The following PRR7 variants were observed in gnomAD, a reference collection of about 807,000 sequenced individuals.
The protein encoded by PRR7 is proline rich 7, synaptic.
Under a neutral mutation model 18.5 loss-of-function variants are expected in PRR7, and 8 were observed. That is an observed-to-expected ratio of 0.43 (90% CI 0.25 to 0.78). The LOEUF is 0.78. PRR7 is among the 30% of genes least tolerant of loss of function. The pLI is 0.22. For synonymous variants in PRR7, 221 were observed against 187.7 expected, an observed-to-expected ratio of 1.18 and a Z score of -1.45; for missense variants, 396 against 403.1, an observed-to-expected ratio of 0.98 and a Z score of 0.15.
At chr5:177,447,263 C>T (rs1056502965) in intron 1 of PRR7, among the ~76,000 whole-genome samples, 3 of 151,152 alleles carry the variant, frequency 2.0e-5, no homozygotes, top group Admixed American at 6.5e-5. Context: ...CTCCCCCTCC[C>T]TCCCCCCTCC....
intron 1 of PRR7, among the ~76,000 whole-genome samples, chr5:177,451,836 C>G (rs1353268217): frequency 6.6e-6 from 1 of 151,822 alleles, no homozygotes; most frequent in Non-Finnish European, 1.5e-5. Flanking sequence ...GTGGAGCCCA[C>G]CCTCAGGCAG....
At position 177,455,465 on chromosome 5, in the gene PRR7, C is replaced by A; in HGVS notation, c.398C>A (p.Pro133Gln). Residue 133 changes from proline (P) to glutamine (Q), a missense_variant, in exon 3 of 4, where the codon CCG becomes CAG. Around this residue, in one of 2 missense-constraint regions of PRR7, gnomAD observed 383 missense variants for 372.6 expected, o/e 1.03. Coordinates refer to ENST00000323249, the MANE Select transcript of PRR7 (RefSeq NM_030567.5). The surrounding 1 kb of genome is among the most constrained non-coding windows in gnomAD (Gnocchi z 6.9). ...PHPPPTHLSV[P>Q]PRPWSYPRQA... ...CCGCCGCCTACGCACCTGTCGGTGCCGCCACGGCCCTGGAGCTACCCGCGC... is the reference window on the plus strand; with the variant it reads ...CCGCCGCCTACGCACCTGTCGGTGCAGCCACGGCCCTGGAGCTACCCGCGC... The A allele has an allele frequency of 6.6e-7, 1 of 1,506,066 alleles. No individual in the cohort carries two copies. Among genetic ancestry groups the A allele is most frequent in the Non-Finnish European group, 8.8e-7 (1 of 1,135,414 alleles). 93.3% of individuals were successfully genotyped at this position (1,506,066 alleles called of 1,614,324 possible).
rs1756067822 is a variant in PRR7 at position 177,449,235 on chromosome 5, G to A, written c.-325+2275G>A. On this transcript the variant is annotated intron_variant, in intron 1 of 3. Coordinates refer to ENST00000323249, the MANE Select transcript of PRR7 (RefSeq NM_030567.5). This position sits in a 1 kb window ranked among gnomAD's most constrained non-coding sequence, Gnocchi z 4.2. Reference sequence around the variant, plus strand: ...AAGGGTCCTGTGTCTGAGACCTCTGGTCCGTGGGAAAGGGACCGCAGGTTT... The same window carrying A: ...AAGGGTCCTGTGTCTGAGACCTCTGATCCGTGGGAAAGGGACCGCAGGTTT... 6.6e-6 allele frequency among the ~76,000 whole-genome samples: 1 copy of A among 152,252 alleles called. No homozygotes were observed. The highest frequency in any genetic ancestry group is 1.5e-5 in the Non-Finnish European group (1 of 68,044).
chr5:177,449,672 G>C lies in PRR7; in HGVS notation c.-325+2712G>C, dbSNP rs527741696. Among the ~76,000 whole-genome samples the C allele has an allele frequency of 1.3e-5, 2 of 152,174 alleles. No homozygotes were observed. Among genetic ancestry groups the C allele is most frequent in the African/African-American group, 4.8e-5 (2 of 41,436 alleles). On this transcript the variant is annotated intron_variant, in intron 1 of 3. Transcript: ENST00000323249. The surrounding 1 kb of genome is among the most constrained non-coding windows in gnomAD (Gnocchi z 4.2). The stretch of plus-strand genomic sequence containing the variant: ...GAAAACCCTGCCCTGAGGAGGGCCG[G>C]AGCTGAGCGCAGTAGACACTGGCCT...
upstream of PRR7, chr5:177,446,398 T>C (rs377227785): frequency 6.6e-6 from 1 of 152,448 alleles, no homozygotes; most frequent in Non-Finnish European, 1.5e-5. The surrounding 1 kb of genome is among the most constrained non-coding windows in gnomAD (Gnocchi z 5.3). Context: ...GCCTGCCTGC[T>C]CGGGGGCCCC....
In PRR7 at chr5:177,456,275, G is replaced by T. The variant is rs1300846160; in HGVS notation, c.*154G>T. 6 of 1,052,374 alleles carry T rather than the reference G, an allele frequency of 5.7e-6. No individual in the cohort carries two copies. Among genetic ancestry groups the T allele is most frequent in the Non-Finnish European group, 7.7e-6 (6 of 774,628 alleles). The allele number at this position is 1,052,374 out of a possible 1,614,324, so 65.2% of individuals were successfully genotyped here. On this transcript the variant is annotated 3_prime_UTR_variant, in exon 4 of 4. Coordinates refer to ENST00000323249, the MANE Select transcript of PRR7 (RefSeq NM_030567.5). ...TGAGGATAATAAAGGTGTGTGATCT[G>T]GTTTGGTACAAGCGGAGGGTGCACC...
At position 177,456,173 on chromosome 5, in the gene PRR7, G is replaced by A; in HGVS notation, c.*52G>A. ...CCGGCGGACTCCTGGCCTGACTGCGGGGCTTTTTAAATGCTTCCCTGGACT... is the reference window on the plus strand; with the variant it reads ...CCGGCGGACTCCTGGCCTGACTGCGAGGCTTTTTAAATGCTTCCCTGGACT... On this transcript the variant is annotated 3_prime_UTR_variant, in exon 4 of 4. Coordinates refer to ENST00000323249, the MANE Select transcript of PRR7 (RefSeq NM_030567.5). 1 of 1,398,580 alleles carries A rather than the reference G, an allele frequency of 7.2e-7. No individual in the cohort carries two copies. Among genetic ancestry groups the A allele is most frequent in the Non-Finnish European group, 9.2e-7 (1 of 1,082,334 alleles). The allele number at this position is 1,398,580 out of a possible 1,614,324, so 86.6% of individuals were successfully genotyped here.
In PRR7 at chr5:177,454,407, G is replaced by A. The variant is rs1172169204; in HGVS notation, c.-240+367G>A. Among the ~76,000 whole-genome samples the A allele has an allele frequency of 6.6e-6, 1 of 152,116 alleles. No individual in the cohort carries two copies. The highest frequency in any genetic ancestry group is 1.5e-5 in the Non-Finnish European group (1 of 68,028). ...CGTCTGTACAGGGCGTCGGGTGGCT[G>A]TCTGTGGGGCTCTAGGAGATGTACC... On this transcript the variant is annotated intron_variant, in intron 2 of 3. Transcript: ENST00000323249. This position sits in a 1 kb window ranked among gnomAD's most constrained non-coding sequence, Gnocchi z 4.7.
rs1481629093 is a variant in PRR7 at position 177,455,106 on chromosome 5, C to T, written c.39C>T (p.Cys13=). 1 of 1,513,582 alleles carries T rather than the reference C, an allele frequency of 6.6e-7. No individual in the cohort carries two copies. Among genetic ancestry groups the T allele is most frequent in the Admixed American group, 2.2e-5 (1 of 44,654 alleles). 93.8% of individuals were successfully genotyped at this position (1,513,582 alleles called of 1,614,324 possible). The change falls in exon 3 of 4, where the codon TGC becomes TGT. Residue 13 remains cysteine, a synonymous_variant. Coordinates refer to ENST00000323249, the MANE Select transcript of PRR7 (RefSeq NM_030567.5). This position sits in a 1 kb window ranked among gnomAD's most constrained non-coding sequence, Gnocchi z 6.9. The part of the protein sequence containing the change: ...MSQGTYTFLT[C]FAGFWLIWGL... ...AGGGCACCTACACGTTCCTCACGTG[C>T]TTCGCCGGCTTCTGGCTCATCTGGG... is the stretch of plus-strand genomic sequence containing the variant.
At chr5:177,452,541 A>G (rs1756206697) in intron 1 of PRR7, among the ~76,000 whole-genome samples, 1 of 152,208 alleles carries the variant, frequency 6.6e-6, no homozygotes, top group African/African-American at 2.4e-5. Flanking sequence ...TTCAGACAGG[A>G]TTCCAGTCCC....
rs1367173634 is a variant in PRR7 at position 177,455,623 on chromosome 5, G to A, written c.428-101G>A. ...AGAACACGGGCGGCGGCGGGCTCGG[G>A]TTCGGGCTAGGGCTGGGGCGCGGGC... is the stretch of plus-strand genomic sequence containing the variant. On this transcript the variant is annotated intron_variant, in intron 3 of 3. Transcript: ENST00000323249. The surrounding 1 kb of genome is among the most constrained non-coding windows in gnomAD (Gnocchi z 6.9). 5.5e-5 allele frequency: 77 copies of A among 1,403,924 alleles called. No homozygotes were observed. Among genetic ancestry groups the A allele is most frequent in the Non-Finnish European group, 6.4e-5 (69 of 1,079,794 alleles). 87.0% of individuals were successfully genotyped at this position (1,403,924 alleles called of 1,614,324 possible).
In PRR7 at chr5:177,455,743, A is replaced by G. The variant is rs745840791; in HGVS notation, c.447A>G (p.Lys149=). The G allele has an allele frequency of 8.1e-6, 13 of 1,603,924 alleles. No individual in the cohort carries two copies. The highest frequency in any genetic ancestry group is 1.1e-5 in the Non-Finnish European group (13 of 1,174,956). ...CCGCAGCGGAATCGGACATGTCCAAACCACCGTGTTACGAAGAGGCGGTGC... is the reference window on the plus strand; with the variant it reads ...CCGCAGCGGAATCGGACATGTCCAAGCCACCGTGTTACGAAGAGGCGGTGC... The part of the protein sequence containing the change: ...YPRQAESDMS[K]PPCYEEAVLM... Residue 149 remains lysine (K), a synonymous_variant, in exon 4 of 4, where the codon AAA becomes AAG. Coordinates refer to ENST00000323249, the MANE Select transcript of PRR7 (RefSeq NM_030567.5). The surrounding 1 kb of genome is among the most constrained non-coding windows in gnomAD (Gnocchi z 6.9).
chr5:177,452,987 A>G (rs904171000), intron 1 of PRR7, among the ~76,000 whole-genome samples: 4 of 152,150 alleles, frequency 2.6e-5, no homozygotes, highest in Non-Finnish European at 4.4e-5. Flanking sequence ...CAGTGCCCCC[A>G]TGGCTGCCAC....
chr5:177,456,000 G>T lies in PRR7; in HGVS notation c.704G>T (p.Arg235Leu). ...CCAGCCCTCTGCCTGCAGGCCGACC[G>T]TGGCCGCCGGGTCTTCCCCAGCTGG... ...PCPALCLQAD[R>L]GRRVFPSWTD... Residue 235 changes from arginine to leucine, a missense_variant, in exon 4 of 4, where the codon CGT becomes CTT. Arg to Leu is a moderately radical substitution (Grantham distance 102, BLOSUM62 -2). Around this residue, in one of 2 missense-constraint regions of PRR7, gnomAD observed 383 missense variants for 372.6 expected, o/e 1.03. Coordinates refer to ENST00000323249, the MANE Select transcript of PRR7 (RefSeq NM_030567.5). The surrounding 1 kb of genome is among the most constrained non-coding windows in gnomAD (Gnocchi z 6.9). The T allele has an allele frequency of 6.3e-7, 1 of 1,581,408 alleles. No individual in the cohort carries two copies.
At position 177,450,030 on chromosome 5, in the gene PRR7, A is replaced by G. The variant is rs1467731983; in HGVS notation, c.-325+3070A>G. 6.6e-6 allele frequency among the ~76,000 whole-genome samples: 1 copy of G among 152,002 alleles called. No homozygotes were observed. On this transcript the variant is annotated intron_variant, in intron 1 of 3. Coordinates refer to ENST00000323249, the MANE Select transcript of PRR7 (RefSeq NM_030567.5). The surrounding 1 kb of genome is among the most constrained non-coding windows in gnomAD (Gnocchi z 6.6). ...GACTTTGTCATCACCCGGGCTTCAC[A>G]CCACCTGGCTATGGAGACCTGAGCT...
At chr5:177,451,116 C>T (rs1161579596) in intron 1 of PRR7, among the ~76,000 whole-genome samples, 3 of 152,146 alleles carry the variant, frequency 2.0e-5, no homozygotes, top group Non-Finnish European at 4.4e-5. Flanking sequence ...ATGCGGCGGA[C>T]GGAAGGAATG....
In PRR7 at chr5:177,455,618, C is replaced by G. The variant is rs1756385543; in HGVS notation, c.428-106C>G. 7.1e-7 allele frequency: 1 copy of G among 1,399,392 alleles called. No homozygotes were observed. The highest frequency in any genetic ancestry group is 9.3e-7 in the Non-Finnish European group (1 of 1,076,604). The allele number at this position is 1,399,392 out of a possible 1,614,324, so 86.7% of individuals were successfully genotyped here. A position where few individuals can be genotyped will look rare whatever the true frequency, so the allele number is the denominator to read the frequency against. ...CCGGGAGAACACGGGCGGCGGCGGG[C>G]TCGGGTTCGGGCTAGGGCTGGGGCG... is the stretch of plus-strand genomic sequence containing the variant. On this transcript the variant is annotated intron_variant, in intron 3 of 3. Transcript: ENST00000323249. This position sits in a 1 kb window ranked among gnomAD's most constrained non-coding sequence, Gnocchi z 6.9.
In PRR7 at chr5:177,455,692, C is replaced by T; in HGVS notation, c.428-32C>T. ...CTGCGAGAGGCTGGGAACCGGCGGC[C>T]TCACCTCCTCCGACCGCCTCCCACT... On this transcript the variant is annotated intron_variant, in intron 3 of 3. Transcript: ENST00000323249. This position sits in a 1 kb window ranked among gnomAD's most constrained non-coding sequence, Gnocchi z 6.9. 1 of 1,528,368 alleles carries T rather than the reference C, an allele frequency of 6.5e-7. No individual in the cohort carries two copies. Among genetic ancestry groups the T allele is most frequent in the South Asian group, 1.3e-5 (1 of 79,996 alleles). The allele number at this position is 1,528,368 out of a possible 1,614,324, so 94.7% of individuals were successfully genotyped here. A position where few individuals can be genotyped will look rare whatever the true frequency, so the allele number is the denominator to read the frequency against.
chr5:177,453,143 G>T (rs1034725284), intron 1 of PRR7, among the ~76,000 whole-genome samples: 12 of 152,236 alleles, frequency 7.9e-5, no homozygotes, highest in African/African-American at 1.9e-4. Flanking sequence ...AGACAAGGTG[G>T]TGTTGAAGAG....
Sources: gnomAD v4.1 joint callset for allele counts (sites outside exome capture counted in the v4.1 genomes callset) on GRCh38, gnomAD v4.1.1 for gene constraint, gnomAD v4.1.1 regional missense constraint, Gnocchi (gnomAD v3.1) non-coding constraint, MANE v1.5 for transcripts, NCBI Gene and HGNC (gene_info 2026-07-23, HGNC 2026-07-21) for gene names.